The following ATRNL1 variants were observed in gnomAD, a reference collection of about 807,000 sequenced individuals.
ATRNL1 encodes attractin like 1.
In ATRNL1, 95 loss-of-function variants were observed where a neutral mutation model predicts 182.7. The ratio of observed to expected loss-of-function variants is 0.52; its 90% CI spans 0.44 to 0.62. The LOEUF (loss-of-function observed/expected upper bound fraction) is 0.62, where lower values mean the gene tolerates loss of function less well. Ranked by LOEUF, ATRNL1 falls within the 20% of genes least tolerant of loss-of-function variation. ATRNL1 has a pLI of 0.00. For missense variants in ATRNL1, 1,471 were observed against 1,679.5 expected (o/e 0.88, Z 2.17); for synonymous variants, 576 against 568.3 (o/e 1.01, Z -0.19).
At chr10:115,615,998 G>A (rs931658326) in intron 26 of ATRNL1, among the ~76,000 whole-genome samples, 9 of 152,122 alleles carry the variant, frequency 5.9e-5, no homozygotes, top group Admixed American at 4.6e-4. Context: ...AAATAGTGGA[G>A]GCCTCAGAAG....
intron 26 of ATRNL1, among the ~76,000 whole-genome samples, chr10:115,719,847 C>A (rs1371229012): frequency 6.7e-6 from 1 of 148,328 alleles, no homozygotes; most frequent in Non-Finnish European, 1.5e-5. Flanking sequence ...ATTCTATCCA[C>A]CCCCCCACAC....
intron 10 of ATRNL1, among the ~76,000 whole-genome samples, chr10:115,256,928 A>G (rs998787956): frequency 1.1e-4 from 16 of 152,238 alleles, no homozygotes; most frequent in Admixed American, 2.0e-4. Flanking sequence ...GTTTCCATAT[A>G]GTTGTGCGGT....
chr10:115,464,059 G>A (rs2134542338), intron 22 of ATRNL1, among the ~76,000 whole-genome samples: 1 of 152,104 alleles, frequency 6.6e-6, no homozygotes, highest in African/African-American at 2.4e-5. Context: ...AATCCCAAGT[G>A]CTTTCCAATG....
At chr10:115,574,868 TAAAC>T (rs1247581737) in intron 26 of ATRNL1, among the ~76,000 whole-genome samples, 7 of 152,172 alleles carry the variant, frequency 4.6e-5, no homozygotes, top group Admixed American at 2.6e-4. Context: ...AAACATCTCT[TAAAC>T]AAAATTGCTA....
intron 27 of ATRNL1, among the ~76,000 whole-genome samples, chr10:115,795,959 C>T (rs1238889688): frequency 6.6e-6 from 1 of 152,134 alleles, no homozygotes; most frequent in Non-Finnish European, 1.5e-5. Context: ...CCCTCCTTAT[C>T]CTGCTAATGC....
intron 26 of ATRNL1, among the ~76,000 whole-genome samples, chr10:115,676,860 T>A (rs1593051695): frequency 6.6e-6 from 1 of 152,158 alleles, no homozygotes; most frequent in East Asian, 1.9e-4. Context: ...GGAAACATCA[T>A]GTCAGATATG....
At chr10:115,589,213 C>A in intron 26 of ATRNL1, among the ~76,000 whole-genome samples, 1 of 152,160 alleles carries the variant, frequency 6.6e-6, no homozygotes, top group East Asian at 1.9e-4. Flanking sequence ...AACTTATGAT[C>A]TGTAAAACAT....
At chr10:115,334,135 A>G (rs967338200) in intron 18 of ATRNL1, 147 bp from the exon 19 acceptor site, 24 of 476,946 alleles carry the variant, frequency 5.0e-5, no homozygotes, top group Non-Finnish European at 8.6e-5. Context: ...TTTGAGCTAT[A>G]TGTGTTATTA....
chr10:115,672,443 C>T (rs1945726521), intron 26 of ATRNL1, among the ~76,000 whole-genome samples: 1 of 152,000 alleles, frequency 6.6e-6, no homozygotes, highest in Non-Finnish European at 1.5e-5. Context: ...TATTTATAGT[C>T]TCATAAATTG....
intron 25 of ATRNL1, among the ~76,000 whole-genome samples, chr10:115,525,364 C>T (rs372815183): frequency 1.2e-4 from 18 of 152,278 alleles, no homozygotes; most frequent in Middle Eastern, 3.4e-3. Flanking sequence ...GGCAGTTAAG[C>T]GCTGACACCT....
chr10:115,581,325 G>C (rs986695601), intron 26 of ATRNL1, among the ~76,000 whole-genome samples: 1 of 152,056 alleles, frequency 6.6e-6, no homozygotes, highest in Non-Finnish European at 1.5e-5. Flanking sequence ...AGTCCCTTGA[G>C]ATGCATCTGG....
rs898115593 is a variant in ATRNL1, at chr10:115,336,985, G to A, written c.3175+2566G>A. On this transcript the variant is annotated intron_variant, in intron 19 of 28. Transcript: ENST00000355044. ...CTCAGCCTCCCAAGTAGCTGGGGGG[G>A]GGGGACTACAGGGGCCCGCCACCAT... Among the ~76,000 whole-genome samples the A allele has an allele frequency of 2.7e-5, 4 of 146,962 alleles. No individual in the cohort carries two copies. The East Asian group carries it at 5.9e-4, about 22-fold the overall frequency.
At chr10:115,743,430 T>TAG (rs10662835) in intron 27 of ATRNL1, among the ~76,000 whole-genome samples, 149,204 of 151,868 alleles carry the variant, frequency 0.98, 73,340 homozygotes, top group Middle Eastern at 1. Flanking sequence ...CCTAAAGTGG[T>TAG]AGTTTAACTA....
At chr10:115,462,961 A>G (rs1847886769) in intron 22 of ATRNL1, among the ~76,000 whole-genome samples, 1 of 151,932 alleles carries the variant, frequency 6.6e-6, no homozygotes, top group Non-Finnish European at 1.5e-5. Context: ...CATAGGGTTT[A>G]TTCGGGTTGA....
chr10:115,189,332 T>C (rs1554889385), intron 8 of ATRNL1, among the ~76,000 whole-genome samples: 1 of 151,996 alleles, frequency 6.6e-6, no homozygotes, highest in East Asian at 1.9e-4. Flanking sequence ...GAATATACTT[T>C]TTCTACTTAC....
intron 19 of ATRNL1, among the ~76,000 whole-genome samples, chr10:115,362,350 C>A (rs1290737478): frequency 2.0e-5 from 3 of 151,612 alleles, no homozygotes; most frequent in Non-Finnish European, 4.4e-5. Context: ...TTTTAATTGA[C>A]CAGTGAAAAT....
Position 115,597,703 on chromosome 10 carries a change from C to T in ATRNL1, c.3795+48167C>T, listed in dbSNP as rs782186399. ...TCTCCATTACAGGCGCCCACTACCA[C>T]GCTCAGCTAATTTTTGTATTTTTTA... On this transcript the variant is annotated intron_variant, in intron 26 of 28. Transcript: ENST00000355044. The T allele has an allele frequency of 1.6e-5, 7 of 448,260 alleles. No individual in the cohort carries two copies. In the East Asian group the frequency reaches 4.3e-4, roughly 28 times the overall value. 27.8% of individuals were successfully genotyped at this position (448,260 alleles called of 1,614,324 possible). A position where few individuals can be genotyped will look rare whatever the true frequency, so the allele number is the denominator to read the frequency against.
intron 26 of ATRNL1, among the ~76,000 whole-genome samples, chr10:115,708,883 C>G (rs1015108078): frequency 6.6e-6 from 1 of 151,624 alleles, no homozygotes; most frequent in Non-Finnish European, 1.5e-5. Context: ...TTGTTAAGGT[C>G]AAGACAAGAT....
intron 10 of ATRNL1, among the ~76,000 whole-genome samples, chr10:115,245,699 A>C (rs1315421264): frequency 6.6e-6 from 1 of 152,104 alleles, no homozygotes; most frequent in Non-Finnish European, 1.5e-5. Flanking sequence ...ATGCAAAGTT[A>C]TGAAAATTCC....
Sources: allele counts gnomAD v4.1 joint callset (sites outside exome capture counted in the v4.1 genomes callset), GRCh38; gene constraint gnomAD v4.1.1; transcripts MANE v1.5; gene names NCBI Gene and HGNC (gene_info 2026-07-23, HGNC 2026-07-21).